ROS1: variants seen among roughly 807,000 people sequenced by gnomAD.
ROS1 encodes the protein ROS proto-oncogene 1, receptor tyrosine kinase.
A neutral mutation model predicts 273.5 loss-of-function variants in ROS1; 263 were observed. The observed-to-expected ratio is 0.96, with a 90% CI of 0.87 to 1.06. The LOEUF is 1.06. Among genes scored for constraint, ROS1 ranks in the 50% least tolerant of loss-of-function variants. The pLI is 0.00. For synonymous variants in ROS1, 1,008 were observed against 954.1 expected (o/e 1.06, Z -1.04); for missense variants, 2,833 against 2,751.1 (o/e 1.03, Z -0.67).
chr6:117,318,788 C>T (rs1476129053), intron 37 of ROS1, among the ~76,000 whole-genome samples: 1 of 152,186 alleles, frequency 6.6e-6, no homozygotes, highest in South Asian at 2.1e-4. Context: ...ACATGTACAT[C>T]TCACACCATC....
At chr6:117,400,731 C>T (rs1196546586) in intron 7 of ROS1, among the ~76,000 whole-genome samples, 2 of 152,176 alleles carry the variant, frequency 1.3e-5, no homozygotes, top group African/African-American at 4.8e-5. Flanking sequence ...TTCTTCCCAG[C>T]CACCAAATAT....
At chr6:117,345,204 G>A (rs1307221957) in intron 27 of ROS1, among the ~76,000 whole-genome samples, 2 of 152,128 alleles carry the variant, frequency 1.3e-5, no homozygotes, top group Non-Finnish European at 2.9e-5. Context: ...TCTACACACT[G>A]CAGGACTTCT....
In ROS1 at chr6:117,326,351, G is replaced by A. The variant is rs2128582131; in HGVS notation, c.5412C>T (p.Ser1804=). The stretch of plus-strand genomic sequence containing the variant: ...ACTTCCATGTGCAAACACTACTGCA[G>A]GATCCATTAAATGTCATCTTCCACC... ...NLRWKMTFNG[S]CSSVCTWKSK... Residue 1804 remains serine (S), a synonymous_variant, in exon 34 of 44, where the codon TCC becomes TCT. Coordinates refer to ENST00000368507, the MANE Select transcript of ROS1 (RefSeq NM_001378902.1). 1 of 1,589,196 alleles carries A rather than the reference G, an allele frequency of 6.3e-7. No individual in the cohort carries two copies. Among genetic ancestry groups the A allele is most frequent in the Non-Finnish European group, 8.5e-7 (1 of 1,171,824 alleles).
chr6:117,352,206 G>C (rs956936437), intron 27 of ROS1, among the ~76,000 whole-genome samples: 23 of 152,184 alleles, frequency 1.5e-4, no homozygotes, highest in African/African-American at 4.1e-4. Context: ...TCAGCCTCCC[G>C]AGTAGCTGGG....
In ROS1 at chr6:117,297,405, A is replaced by T. The variant is rs570812711; in HGVS notation, c.6715+3569T>A. Among the ~76,000 whole-genome samples, 4 of 152,346 alleles carry T rather than the reference A, an allele frequency of 2.6e-5. No individual in the cohort carries two copies. The South Asian group carries it at 8.3e-4, about 32-fold the overall frequency. Reference sequence around the variant, plus strand: ...AGCTAAAAAGCTTGTGCAGAAAAAGAAATAATCAGTGGAATAAACAGACAA... The same window carrying T: ...AGCTAAAAAGCTTGTGCAGAAAAAGTAATAATCAGTGGAATAAACAGACAA... On this transcript the variant is annotated intron_variant, in intron 43 of 43. Transcript: ENST00000368507.
At chr6:117,396,839 T>C in intron 8 of ROS1, 76 bp downstream of exon 8, 2 of 1,033,144 alleles carry the variant, frequency 1.9e-6, no homozygotes, top group Non-Finnish European at 1.5e-6. Context: ...AACTATTTGA[T>C]ACCCATATTT....
At chr6:117,296,236 A>T (rs1353757020) in intron 43 of ROS1, among the ~76,000 whole-genome samples, 1 of 78,620 alleles carries the variant, frequency 1.3e-5, no homozygotes, top group Non-Finnish European at 3.2e-5. Context: ...AGTCTCTACT[A>T]AAAAAAATAC....
At chr6:117,300,086 CTTTTTTTTTTTTTTT>C (rs10700318) in intron 43 of ROS1, among the ~76,000 whole-genome samples, 1 of 31,842 alleles carries the variant, frequency 3.1e-5, no homozygotes, top group East Asian at 1.0e-3. Context: ...CCAGGACAGG[CTTTTTTTTTTTTTTT>C]TTTTTTTTTT....
chr6:117,364,335 C>G (rs1220219567), intron 21 of ROS1, among the ~76,000 whole-genome samples: 1 of 152,170 alleles, frequency 6.6e-6, no homozygotes, highest in Non-Finnish European at 1.5e-5. Context: ...CTATCATTTA[C>G]CAACATTTGT....
At chr6:117,289,241 T>C (rs563760435) in intron 43 of ROS1, among the ~76,000 whole-genome samples, 1 of 152,320 alleles carries the variant, frequency 6.6e-6, no homozygotes, top group African/African-American at 2.4e-5. Flanking sequence ...ATTTTAAAGA[T>C]TGGTTTTTCT....
At chr6:117,394,390 C>G (rs143195175) in intron 10 of ROS1, 44 bp from the exon 11 acceptor site, 11 of 1,383,718 alleles carry the variant, frequency 7.9e-6, no homozygotes, top group Non-Finnish European at 1.0e-5. Context: ...ATATAACAAC[C>G]AGGACAAAAA....
At position 117,403,195 on chromosome 6, in the gene ROS1, G is replaced by A. The variant is rs772261492; in HGVS notation, c.548C>T (p.Ala183Val). The part of the protein sequence containing the change: ...YIFRVVWIFT[A>V]QLQLYSPPSP... Reference sequence around the variant, plus strand: ...TGGAGGGGAGTAGAGCTGCAGCTGCGCTGTGAAGATCCAAACCACTCGGAA... The same window carrying A: ...TGGAGGGGAGTAGAGCTGCAGCTGCACTGTGAAGATCCAAACCACTCGGAA... Residue 183 changes from alanine (A) to valine (V), a missense_variant, in exon 7 of 44, where the codon GCG becomes GTG. Coordinates refer to ENST00000368507, the MANE Select transcript of ROS1 (RefSeq NM_001378902.1). 28 of 1,612,854 alleles carry A rather than the reference G, an allele frequency of 1.7e-5. No individual in the cohort carries two copies. Among genetic ancestry groups the A allele is most frequent in the East Asian group, 2.2e-5 (1 of 44,888 alleles).
At chr6:117,365,988 A>C (rs1780188217) in intron 19 of ROS1, 88 bp downstream of exon 19, 7 of 1,203,688 alleles carry the variant, frequency 5.8e-6, no homozygotes, top group Non-Finnish European at 4.8e-6. Context: ...TTAAAACTTA[A>C]TTCTTAAGAA....
At chr6:117,383,546 A>ATAC in intron 16 of ROS1, 38 bp from the exon 17 acceptor site, 2 of 1,402,334 alleles carry the variant, frequency 1.4e-6, no homozygotes, top group Non-Finnish European at 2.0e-6. Flanking sequence ...AATGGCTTTC[A>ATAC]AGTGACATTA....
At chr6:117,369,646 A>C (rs149322494) in intron 18 of ROS1, among the ~76,000 whole-genome samples, 4 of 152,092 alleles carry the variant, frequency 2.6e-5, no homozygotes, top group African/African-American at 9.7e-5. Context: ...ATCCTTCAGG[A>C]CACTGTTGCT....
chr6:117,372,229 A>G (rs1780853573), intron 18 of ROS1, among the ~76,000 whole-genome samples: 1 of 152,202 alleles, frequency 6.6e-6, no homozygotes, highest in African/African-American at 2.4e-5. Flanking sequence ...TCAACATAGT[A>G]CTGGAAGTCC....
intron 31 of ROS1, among the ~76,000 whole-genome samples, chr6:117,338,310 A>G (rs1777626895): frequency 6.6e-6 from 1 of 152,136 alleles, no homozygotes; most frequent in Admixed American, 6.6e-5. Context: ...GATTCTCTAT[A>G]GCATTTTCAG....
chr6:117,373,220 G>C (rs1783114222), intron 18 of ROS1, among the ~76,000 whole-genome samples: 1 of 152,240 alleles, frequency 6.6e-6, no homozygotes, highest in Admixed American at 6.5e-5. Context: ...GAGCCCATCT[G>C]GCTTCGCCTA....
chr6:117,316,192 C>G (rs1775906040), intron 39 of ROS1, among the ~76,000 whole-genome samples: 1 of 151,980 alleles, frequency 6.6e-6, no homozygotes, highest in East Asian at 1.9e-4. Flanking sequence ...GAGTTAAATC[C>G]TCATCTTCCA....
Sources: allele counts gnomAD v4.1 joint callset (sites outside exome capture counted in the v4.1 genomes callset), GRCh38; gene constraint gnomAD v4.1.1; transcripts MANE v1.5; gene names NCBI Gene and HGNC (gene_info 2026-07-23, HGNC 2026-07-21).